The following HTT variants were observed in gnomAD, a reference collection of about 807,000 sequenced individuals.
HTT encodes the protein huntington disease protein.
Under a neutral mutation model 362.3 loss-of-function variants are expected in HTT, and 104 were observed. The observed-to-expected ratio is 0.29, with a 90% confidence interval of 0.24 to 0.34. HTT has a LOEUF of 0.34. Ranked by LOEUF, HTT falls within the 10% of genes least tolerant of loss-of-function variation. HTT has a pLI of 1.00. For missense variants in HTT, 3,301 were observed against 3,928.6 expected, an observed-to-expected ratio of 0.84 and a Z score of 4.27; for synonymous variants, 1,577 against 1,548.7, an observed-to-expected ratio of 1.02 and a Z score of -0.43.
intron 3 of HTT, among the ~76,000 whole-genome samples, chr4:3,101,899 A>C (rs1714175604): frequency 6.6e-6 from 1 of 152,202 alleles, no homozygotes; most frequent in Non-Finnish European, 1.5e-5. Context: ...TAGGTGAAAG[A>C]GTAGATTGGA....
At chr4:3,168,368 C>T (rs540904738) in intron 29 of HTT, among the ~76,000 whole-genome samples, 72 of 152,264 alleles carry the variant, frequency 4.7e-4, no homozygotes, top group African/African-American at 1.6e-3. Context: ...CTTGATGTGG[C>T]GACGGGTATG....
chr4:3,102,834 C>T (rs1714222143), intron 3 of HTT, among the ~76,000 whole-genome samples: 1 of 152,176 alleles, frequency 6.6e-6, no homozygotes, highest in Non-Finnish European at 1.5e-5. Flanking sequence ...CCGTTAGCAT[C>T]GTTACTAGCT....
chr4:3,134,266 G>A, intron 18 of HTT, 135 bp from the exon 19 acceptor site: 2 of 663,032 alleles, frequency 3.0e-6, no homozygotes, highest in Non-Finnish European at 5.1e-6. Flanking sequence ...GAGAGGTGTG[G>A]GAAAAATGCA....
intron 40 of HTT, among the ~76,000 whole-genome samples, chr4:3,192,536 TCCACATGGG>T (rs1719058565): frequency 6.6e-6 from 1 of 152,150 alleles, no homozygotes; most frequent in Non-Finnish European, 1.5e-5. Context: ...AATGCTCTGG[TCCACATGGG>T]CCAAATGGGA....
At chr4:3,090,489 T>C (rs895846548) in intron 2 of HTT, among the ~76,000 whole-genome samples, 2 of 152,198 alleles carry the variant, frequency 1.3e-5, no homozygotes, top group African/African-American at 4.8e-5. Context: ...GGTGGCTAGG[T>C]AAACATAAAT....
At chr4:3,207,481 G>A in intron 45 of HTT, 124 bp downstream of exon 45, 1 of 748,092 alleles carries the variant, frequency 1.3e-6, no homozygotes, top group Non-Finnish European at 2.3e-6. Flanking sequence ...GTTTACTGCA[G>A]AAGTGCCATA....
chr4:3,157,626 T>C (rs2110215105), intron 28 of HTT, among the ~76,000 whole-genome samples: 1 of 152,304 alleles, frequency 6.6e-6, no homozygotes, highest in South Asian at 2.1e-4. Context: ...GCATAAACCA[T>C]GTGTTTCAAA....
intron 51 of HTT, among the ~76,000 whole-genome samples, chr4:3,217,231 G>A (rs1720449878): frequency 6.6e-6 from 1 of 152,174 alleles, no homozygotes; most frequent in South Asian, 2.1e-4. Context: ...ACACCATTCT[G>A]TGGATCTTCC....
At chr4:3,152,175 T>G (rs927953310) in intron 26 of HTT, among the ~76,000 whole-genome samples, 1 of 151,720 alleles carries the variant, frequency 6.6e-6, no homozygotes, top group African/African-American at 2.4e-5. Flanking sequence ...CTCAGCTCAC[T>G]GCAACTTCTG....
At chr4:3,182,967 G>T (rs957697851) in intron 37 of HTT, among the ~76,000 whole-genome samples, 1 of 152,024 alleles carries the variant, frequency 6.6e-6, no homozygotes, top group Non-Finnish European at 1.5e-5. Flanking sequence ...AACAACCTCT[G>T]CCTCCCAGGT....
intron 29 of HTT, among the ~76,000 whole-genome samples, chr4:3,170,448 C>T (rs1378747646): frequency 6.6e-6 from 1 of 152,162 alleles, no homozygotes; most frequent in African/African-American, 2.4e-5. Flanking sequence ...CCTGTGTGAG[C>T]GCTGAGCTCT....
intron 21 of HTT, among the ~76,000 whole-genome samples, chr4:3,139,407 G>A (rs1438236824): frequency 6.6e-6 from 1 of 151,758 alleles, no homozygotes; most frequent in African/African-American, 2.4e-5. Flanking sequence ...CATGTTGGCC[G>A]GGCTGATCTT....
rs564342195 is a variant in HTT, at chr4:3,221,981, G to A, written c.7370-406G>A. Among the ~76,000 whole-genome samples, 7 of 152,374 alleles carry A rather than the reference G, an allele frequency of 4.6e-5. No homozygotes were observed. In the East Asian group the frequency reaches 1.3e-3, roughly 29 times the overall value. On this transcript the variant is annotated intron_variant, in intron 53 of 66. Transcript: ENST00000355072. ...TTTTATCCACAGAGTTGTGCAGCCAGCTGCACAGTCTCAGGGCTGGACTCC... is the reference window on the plus strand; with the variant it reads ...TTTTATCCACAGAGTTGTGCAGCCAACTGCACAGTCTCAGGGCTGGACTCC...
At chr4:3,161,174 TG>T (rs1717422281) in intron 29 of HTT, among the ~76,000 whole-genome samples, 1 of 152,112 alleles carries the variant, frequency 6.6e-6, no homozygotes, top group East Asian at 1.9e-4. Context: ...ATGCGGTGTT[TG>T]GTTTTCTGAT....
intron 6 of HTT, among the ~76,000 whole-genome samples, chr4:3,108,594 T>C (rs1279904708): frequency 1.3e-5 from 2 of 152,200 alleles, no homozygotes; most frequent in Non-Finnish European, 2.9e-5. Context: ...ATTTTTGTAC[T>C]CTTAGTTCTC....
chr4:3,134,592 C>T, intron 19 of HTT, 52 bp downstream of exon 19: 2 of 1,501,550 alleles, frequency 1.3e-6, no homozygotes, highest in Non-Finnish European at 1.8e-6. Flanking sequence ...ATTGAAAGTT[C>T]TGGGATCACT....
At chr4:3,130,078 G>A in intron 13 of HTT, 31 bp downstream of exon 13, 1 of 1,559,926 alleles carries the variant, frequency 6.4e-7, no homozygotes. Context: ...GCGCTACAAA[G>A]TGGTTTGTAT....
In HTT at chr4:3,238,516, C is replaced by T. The variant is rs535329892; in HGVS notation, c.8961C>T (p.Phe2987=). ...TCCTGCCCCAGTTTCTAGACGACTT[C>T]TTCCCACCCCAGGACATCATGAACA... ...ARILPQFLDD[F]FPPQDIMNKV... Residue 2987 remains phenylalanine (F), a synonymous_variant, in exon 65 of 67, where the codon TTC becomes TTT. Coordinates refer to ENST00000355072, the MANE Select transcript of HTT (RefSeq NM_001388492.1). 1 of 1,613,370 alleles carries T rather than the reference C, an allele frequency of 6.2e-7. No individual in the cohort carries two copies. The highest frequency in any genetic ancestry group is 1.7e-5 in the Admixed American group (1 of 59,940).
At chr4:3,086,887 G>C in intron 1 of HTT, 52 bp from the exon 2 acceptor site, 5 of 947,690 alleles carry the variant, frequency 5.3e-6, no homozygotes, top group Non-Finnish European at 8.5e-6. Context: ...GTAGAACTAA[G>C]TGGAGTGGGT....
Sources: gnomAD v4.1 joint callset for allele counts (sites outside exome capture counted in the v4.1 genomes callset) on GRCh38, gnomAD v4.1.1 for gene constraint, MANE v1.5 for transcripts, NCBI Gene and HGNC (gene_info 2026-07-23, HGNC 2026-07-21) for gene names.